ARHGEF7: variants seen among roughly 807,000 people sequenced by gnomAD.
ARHGEF7 encodes the protein PAK-interacting exchange factor beta.
Under a neutral mutation model 109.8 loss-of-function variants are expected in ARHGEF7, and 33 were observed. That is an observed-to-expected ratio of 0.30 (90% CI 0.23 to 0.40). The LOEUF is 0.40. ARHGEF7 is among the 10% of genes least tolerant of loss of function. The pLI, the probability that ARHGEF7 is intolerant of heterozygous loss-of-function variation, is 1.00. For synonymous variants in ARHGEF7, 458 were observed against 424.6 expected (o/e 1.08, Z -0.97); for missense variants, 938 against 1,098.5 (o/e 0.85, Z 2.07).
chr13:111,265,124 CAAAAAAA>C (rs976877106), intron 8 of ARHGEF7, among the ~76,000 whole-genome samples: 5 of 69,464 alleles, frequency 7.2e-5, no homozygotes, highest in Admixed American at 1.7e-4. Flanking sequence ...AACTCCATCT[CAAAAAAA>C]AAAAAAAAAA....
At chr13:111,128,495 ACAAG>A (rs989370896) in intron 1 of ARHGEF7, among the ~76,000 whole-genome samples, 1 of 150,956 alleles carries the variant, frequency 6.6e-6, no homozygotes, top group African/African-American at 2.5e-5. Flanking sequence ...CCTGTCTCAA[ACAAG>A]CAAACAAACA....
intron 2 of ARHGEF7, among the ~76,000 whole-genome samples, chr13:111,179,786 C>T (rs1257253064): frequency 6.6e-6 from 1 of 152,120 alleles, no homozygotes; most frequent in Non-Finnish European, 1.5e-5. Flanking sequence ...TGTAGCATGC[C>T]CTACAGTCTG....
At chr13:111,285,840 C>G (rs2092997021) in intron 16 of ARHGEF7, among the ~76,000 whole-genome samples, 1 of 152,066 alleles carries the variant, frequency 6.6e-6, no homozygotes, top group African/African-American at 2.4e-5. Flanking sequence ...TCTGTGCACA[C>G]CAGCGCCAGC....
rs559938697 is a variant in ARHGEF7 at position 111,224,838 on chromosome 13, T to C, written c.670+6958T>C. 8.1e-4 allele frequency among the ~76,000 whole-genome samples: 123 copies of C among 152,342 alleles called. 1 individual carries two copies. Among genetic ancestry groups the C allele is most frequent in the African/African-American group, 2.8e-3 (118 of 41,578 alleles). ...CGTGCCACTGGATGTGAGCTTGTGCTGTAGTCCTTCCTCCTCTCCGGTGAG... is the reference window on the plus strand; with the variant it reads ...CGTGCCACTGGATGTGAGCTTGTGCCGTAGTCCTTCCTCCTCTCCGGTGAG... On this transcript the variant is annotated intron_variant, in intron 5 of 21. Transcript: ENST00000646102.
chr13:111,245,875 T>C (rs61216777), intron 8 of ARHGEF7, among the ~76,000 whole-genome samples: 1,580 of 152,366 alleles, frequency 0.01, 23 homozygotes, highest in African/African-American at 0.036. Context: ...AAATACGCAT[T>C]AAAATGATGT....
At chr13:111,153,828 C>G in intron 1 of ARHGEF7, 77 bp from the exon 2 acceptor site, 1 of 1,533,868 alleles carries the variant, frequency 6.5e-7, no homozygotes, top group Non-Finnish European at 8.7e-7. Context: ...GAGCGCGGGC[C>G]GTGGGCGTCG....
intron 5 of ARHGEF7, 152 bp downstream of exon 5, chr13:111,218,032 C>G (rs1309239493): frequency 1.3e-6 from 1 of 752,772 alleles, no homozygotes; most frequent in Non-Finnish European, 2.0e-6. Flanking sequence ...ATTTTCACCT[C>G]AGCCCCACAT....
chr13:111,212,899 T>A (rs1168593550), intron 4 of ARHGEF7, among the ~76,000 whole-genome samples: 3 of 152,192 alleles, frequency 2.0e-5, no homozygotes, highest in Non-Finnish European at 4.4e-5. Context: ...CATTGTCTAA[T>A]TTTTGGCATC....
chr13:111,300,428 A>G (rs75968833), intron 19 of ARHGEF7, among the ~76,000 whole-genome samples: 3,238 of 152,298 alleles, frequency 0.021, 119 homozygotes, highest in African/African-American at 0.075. Flanking sequence ...AATGGGATGA[A>G]TATCCAGAGC....
intron 12 of ARHGEF7, among the ~76,000 whole-genome samples, chr13:111,276,234 A>G (rs896886170): frequency 3.3e-5 from 5 of 152,224 alleles, no homozygotes; most frequent in African/African-American, 9.6e-5. Flanking sequence ...CATACATTCA[A>G]TGGGTCACTG....
intron 8 of ARHGEF7, among the ~76,000 whole-genome samples, chr13:111,263,881 C>T (rs1217310403): frequency 6.6e-6 from 1 of 152,216 alleles, no homozygotes; most frequent in Non-Finnish European, 1.5e-5. Context: ...CTTCAGTTTA[C>T]TTCTGTACAA....
At chr13:111,302,107 C>T (rs1158401556) in intron 21 of ARHGEF7, among the ~76,000 whole-genome samples, 2 of 152,108 alleles carry the variant, frequency 1.3e-5, no homozygotes, top group Admixed American at 6.5e-5. Context: ...GTGACAAATC[C>T]TGCGAGGCGC....
intron 2 of ARHGEF7, among the ~76,000 whole-genome samples, chr13:111,156,360 CTT>C (rs1279548286): frequency 1.3e-5 from 2 of 152,164 alleles, no homozygotes; most frequent in Non-Finnish European, 2.9e-5. Context: ...TTAGTTTTGA[CTT>C]ATTTTGTGCT....
At chr13:111,156,416 G>A (rs2076340210) in intron 2 of ARHGEF7, among the ~76,000 whole-genome samples, 1 of 152,198 alleles carries the variant, frequency 6.6e-6, no homozygotes, top group South Asian at 2.1e-4. Flanking sequence ...TTAAGCAAGA[G>A]GCAAATGTTA....
At chr13:111,152,944 T>TA (rs1229670741) in intron 1 of ARHGEF7, among the ~76,000 whole-genome samples, 1 of 152,230 alleles carries the variant, frequency 6.6e-6, no homozygotes, top group Non-Finnish European at 1.5e-5. Flanking sequence ...TACCTTGGAC[T>TA]AAAGCACTAG....
At chr13:111,180,520 G>A (rs2078630829) in intron 2 of ARHGEF7, among the ~76,000 whole-genome samples, 1 of 152,242 alleles carries the variant, frequency 6.6e-6, no homozygotes, top group South Asian at 2.1e-4. Flanking sequence ...AACAGCTGCT[G>A]CTTCCAGAGG....
intron 4 of ARHGEF7, among the ~76,000 whole-genome samples, chr13:111,210,698 C>T (rs1434352294): frequency 1.3e-5 from 2 of 152,224 alleles, no homozygotes; most frequent in Non-Finnish European, 2.9e-5. Flanking sequence ...ACTCTGCAGT[C>T]CTGCACCCTT....
At chr13:111,125,414 TCC>T (rs2067495716) in intron 1 of ARHGEF7, among the ~76,000 whole-genome samples, 2 of 149,988 alleles carry the variant, frequency 1.3e-5, no homozygotes, top group African/African-American at 4.9e-5. Context: ...CTGGTGATCA[TCC>T]TATCTTTTCT....
chr13:111,249,324 G>A (rs2089409276), intron 8 of ARHGEF7, among the ~76,000 whole-genome samples: 1 of 152,082 alleles, frequency 6.6e-6, no homozygotes, highest in South Asian at 2.1e-4. Flanking sequence ...AAGTGATTCA[G>A]GCAGGTCTCA....
Sources: gnomAD v4.1 joint callset for allele counts (sites outside exome capture counted in the v4.1 genomes callset) on GRCh38, gnomAD v4.1.1 for gene constraint, MANE v1.5 for transcripts, NCBI Gene and HGNC (gene_info 2026-07-23, HGNC 2026-07-21) for gene names.